SLC35F3: variants seen among roughly 807,000 people sequenced by gnomAD.
SLC35F3 encodes solute carrier family 35 member F3.
Under a neutral mutation model 49.9 loss-of-function variants are expected in SLC35F3, and 25 were observed. The observed-to-expected ratio is 0.50, with a 90% CI of 0.37 to 0.70. SLC35F3 has a LOEUF of 0.70. Among genes scored for constraint, SLC35F3 ranks in the 30% least tolerant of loss-of-function variants. The pLI, the probability that SLC35F3 is intolerant of heterozygous loss-of-function variation, is 0.00. For missense variants in SLC35F3, 525 were observed against 639.8 expected (o/e 0.82, Z 1.94); for synonymous variants, 275 against 265.4 (o/e 1.04, Z -0.35).
chr1:234,121,978 T>C (rs61822411), intron 2 of SLC35F3, among the ~76,000 whole-genome samples: 20,344 of 152,258 alleles, frequency 0.13, 2,892 homozygotes, highest in East Asian at 0.78. Flanking sequence ...TGATGGACAT[T>C]TGGGTTGGTT....
intron 2 of SLC35F3, among the ~76,000 whole-genome samples, chr1:234,181,799 GTTTC>G (rs1666561428): frequency 6.6e-6 from 1 of 151,820 alleles, no homozygotes; most frequent in Non-Finnish European, 1.5e-5. Context: ...TTTGTTTTTG[GTTTC>G]TTTTTTAGGA....
At chr1:234,113,215 G>A (rs1665434939) in intron 2 of SLC35F3, among the ~76,000 whole-genome samples, 2 of 152,276 alleles carry the variant, frequency 1.3e-5, no homozygotes, top group South Asian at 2.1e-4. Flanking sequence ...AGACTAAATT[G>A]CCATAATCAT....
At chr1:234,298,049 T>C (rs1416675743) in intron 3 of SLC35F3, among the ~76,000 whole-genome samples, 1 of 152,188 alleles carries the variant, frequency 6.6e-6, no homozygotes, top group Non-Finnish European at 1.5e-5. Context: ...ATTGTGGAGT[T>C]CATGGGTGTG....
At chr1:234,312,549 T>C (rs1411821006) in intron 4 of SLC35F3, among the ~76,000 whole-genome samples, 1 of 152,116 alleles carries the variant, frequency 6.6e-6, no homozygotes, top group East Asian at 1.9e-4. Context: ...GAGCCCAGCA[T>C]GGGGGAAGAC....
At position 234,037,893 on chromosome 1, in the gene SLC35F3, G is replaced by A. The variant is rs553979350; in HGVS notation, c.283+132135G>A. Among the ~76,000 whole-genome samples the A allele has an allele frequency of 4.6e-5, 7 of 152,244 alleles. No individual in the cohort carries two copies. In the East Asian group the frequency reaches 9.6e-4, roughly 21 times the overall value. On this transcript the variant is annotated intron_variant, in intron 2 of 7. Coordinates refer to ENST00000366618, the MANE Select transcript of SLC35F3 (RefSeq NM_173508.4). ...GAGGGTAAAGGCACAGAGCCATCTC[G>A]GGTCAGCTCATGCAAAGGTTCCAAG...
chr1:234,217,339 A>G (rs1667137480), intron 2 of SLC35F3, among the ~76,000 whole-genome samples: 1 of 152,250 alleles, frequency 6.6e-6, no homozygotes, highest in Admixed American at 6.5e-5. Flanking sequence ...GTGTCCTGTG[A>G]CAATTTAGCA....
chr1:234,293,229 A>T (rs1412474073), intron 3 of SLC35F3, among the ~76,000 whole-genome samples: 1 of 152,232 alleles, frequency 6.6e-6, no homozygotes. Flanking sequence ...AAGGAGCCAT[A>T]AACAAGAATC....
intron 2 of SLC35F3, among the ~76,000 whole-genome samples, chr1:234,186,389 G>C (rs934835163): frequency 1.3e-5 from 2 of 152,236 alleles, no homozygotes; most frequent in Non-Finnish European, 2.9e-5. Flanking sequence ...TTCAGCGGAA[G>C]GACTGATGCC....
In SLC35F3 at chr1:234,214,516, C is replaced by T. The variant is rs771884317; in HGVS notation, c.284-16901C>T. 3 of 1,548,316 alleles carry T rather than the reference C, an allele frequency of 1.9e-6. No individual in the cohort carries two copies. The South Asian group carries it at 3.6e-5, about 19-fold the overall frequency. ...GGCTCATCATGAAGAAGCACTCGGCCCGGGTGGCCCCGCTCAGCGCCTGCA... is the reference window on the plus strand; with the variant it reads ...GGCTCATCATGAAGAAGCACTCGGCTCGGGTGGCCCCGCTCAGCGCCTGCA... On this transcript the variant is annotated intron_variant, in intron 2 of 7. Coordinates refer to ENST00000366618, the MANE Select transcript of SLC35F3 (RefSeq NM_173508.4). The surrounding 1 kb of genome is among the most constrained non-coding windows in gnomAD (Gnocchi z 8.0).
At chr1:234,157,104 A>G (rs1393311142) in intron 2 of SLC35F3, among the ~76,000 whole-genome samples, 1 of 152,186 alleles carries the variant, frequency 6.6e-6, no homozygotes, top group East Asian at 1.9e-4. Context: ...AAGTGGATGA[A>G]TTGTATAGTA....
intron 3 of SLC35F3, among the ~76,000 whole-genome samples, chr1:234,276,769 C>T (rs1176869777): frequency 6.6e-6 from 1 of 152,146 alleles, no homozygotes; most frequent in Non-Finnish European, 1.5e-5. Context: ...GCAGGCCTGG[C>T]AGGTGCCAAA....
chr1:234,128,653 C>A (rs766752228), intron 2 of SLC35F3, among the ~76,000 whole-genome samples: 1 of 152,068 alleles, frequency 6.6e-6, no homozygotes, highest in Non-Finnish European at 1.5e-5. Context: ...GCATTCCAGG[C>A]CAAGGAAAGA....
intron 3 of SLC35F3, among the ~76,000 whole-genome samples, chr1:234,278,360 C>T (rs549414699): frequency 5.0e-4 from 76 of 152,032 alleles, no homozygotes; most frequent in African/African-American, 1.7e-3. Context: ...TGCAATGGCA[C>T]GGGCCTGTAG....
intron 3 of SLC35F3, among the ~76,000 whole-genome samples, chr1:234,269,169 TAAAG>T (rs1233846460): frequency 1.3e-5 from 2 of 152,206 alleles, no homozygotes; most frequent in African/African-American, 4.8e-5. Context: ...TTTAATATGT[TAAAG>T]AATATTTCAT....
chr1:233,904,943 G>C lies in SLC35F3; in HGVS notation c.-135G>C. Reference sequence around the variant, plus strand: ...CGCGCGGGCGCGCACAAAGCGGCCCGGGGCGGCCGGCGCGGCGCAGACCCT... The same window carrying C: ...CGCGCGGGCGCGCACAAAGCGGCCCCGGGCGGCCGGCGCGGCGCAGACCCT... On this transcript the variant is annotated 5_prime_UTR_variant, in exon 1 of 8. Transcript: ENST00000366618. 1 of 990,414 alleles carries C rather than the reference G, an allele frequency of 1.0e-6. No individual in the cohort carries two copies. 61.4% of individuals were successfully genotyped at this position (990,414 alleles called of 1,614,324 possible).
At chr1:234,272,730 C>T (rs1047220990) in intron 3 of SLC35F3, among the ~76,000 whole-genome samples, 3 of 152,188 alleles carry the variant, frequency 2.0e-5, no homozygotes, top group Admixed American at 2.0e-4. Context: ...TTTTCCTTTC[C>T]ATGATAGTGA....
intron 2 of SLC35F3, among the ~76,000 whole-genome samples, chr1:233,936,368 A>G (rs1016856894): frequency 4.6e-5 from 7 of 152,300 alleles, no homozygotes; most frequent in African/African-American, 7.2e-5. Context: ...CTAGGATACT[A>G]TCCTGTCTGT....
intron 3 of SLC35F3, among the ~76,000 whole-genome samples, chr1:234,278,589 CCT>C (rs1296853426): frequency 6.6e-6 from 1 of 152,010 alleles, no homozygotes; most frequent in Non-Finnish European, 1.5e-5. Context: ...ACTTGATTGG[CCT>C]CTTAGTCCTT....
At chr1:233,989,878 G>A (rs912326935) in intron 2 of SLC35F3, among the ~76,000 whole-genome samples, 1 of 152,058 alleles carries the variant, frequency 6.6e-6, no homozygotes, top group Non-Finnish European at 1.5e-5. Flanking sequence ...ACTAATTGGT[G>A]GATGAGATTG....
Sources: gnomAD v4.1 joint callset for allele counts (sites outside exome capture counted in the v4.1 genomes callset) on GRCh38, gnomAD v4.1.1 for gene constraint, Gnocchi (gnomAD v3.1) non-coding constraint, MANE v1.5 for transcripts, NCBI Gene and HGNC (gene_info 2026-07-23, HGNC 2026-07-21) for gene names.